TDRP: variants seen among roughly 807,000 people sequenced by gnomAD.
TDRP encodes testis development-related protein.
In TDRP, 12 loss-of-function variants were observed where a neutral mutation model predicts 10.5. That is an observed-to-expected ratio of 1.15 (90% CI 0.73 to 1.86). TDRP has a LOEUF of 1.86. Among genes scored for constraint, TDRP ranks in the 40% most tolerant of loss-of-function variants. The pLI, the probability that TDRP is intolerant of heterozygous loss-of-function variation, is 0.00. For synonymous variants in TDRP, 139 were observed against 95.4 expected (o/e 1.46, Z -2.67); for missense variants, 353 against 229.2 (o/e 1.54, Z -3.49).
chr8:542,258 G>A lies in TDRP; in HGVS notation c.108+2392C>T, dbSNP rs1390259541. ...TTGCCAGGGGTTCCGGGGAGGGAGG[G>A]TGCACAGAGGGTCTCTAAGGCAGCA... On this transcript the variant is annotated intron_variant, in intron 1 of 2. Transcript: ENST00000324079. Among the ~76,000 whole-genome samples the A allele has an allele frequency of 2.6e-5, 4 of 152,114 alleles. No homozygotes were observed. The East Asian group carries it at 7.7e-4, about 29-fold the overall frequency.
At position 492,155 on chromosome 8, in the gene TDRP, C is replaced by G. The variant is rs899469178; in HGVS notation, c.*244G>C. On this transcript the variant is annotated 3_prime_UTR_variant, in exon 3 of 3. Coordinates refer to ENST00000324079, the MANE Select transcript of TDRP (RefSeq NM_001384899.1). ...CATAAATTCACATCTCCAGTTTCTG[C>G]AAAACATGGACTGATAGGTGAATAT... 1 of 1,250,032 alleles carries G rather than the reference C, an allele frequency of 8.0e-7. No individual in the cohort carries two copies. The highest frequency in any genetic ancestry group is 1.0e-6 in the Non-Finnish European group (1 of 999,270). The allele number at this position is 1,250,032 out of a possible 1,614,324, so 77.4% of individuals were successfully genotyped here.
Position 533,302 on chromosome 8 carries a change from T to C in TDRP, c.108+11348A>G, listed in dbSNP as rs551340253. Among the ~76,000 whole-genome samples the C allele has an allele frequency of 5.3e-5, 8 of 152,296 alleles. No homozygotes were observed. The East Asian group carries it at 1.5e-3, about 29-fold the overall frequency. Reference sequence around the variant, plus strand: ...TAACATTTCAAAGCCAGCACGTCCATCGCAGCCTCATTGGGCTGCTCCCAC... The same window carrying C: ...TAACATTTCAAAGCCAGCACGTCCACCGCAGCCTCATTGGGCTGCTCCCAC... On this transcript the variant is annotated intron_variant, in intron 1 of 2. Coordinates refer to ENST00000324079, the MANE Select transcript of TDRP (RefSeq NM_001384899.1).
At position 544,703 on chromosome 8, in the gene TDRP, C is replaced by T; in HGVS notation, c.55G>A (p.Asp19Asn). 2 of 1,245,966 alleles carry T rather than the reference C, an allele frequency of 1.6e-6. No homozygotes were observed. The highest frequency in any genetic ancestry group is 2.0e-6 in the Non-Finnish European group (2 of 995,702). The allele number at this position is 1,245,966 out of a possible 1,614,324, so 77.2% of individuals were successfully genotyped here. A position where few individuals can be genotyped will look rare whatever the true frequency, so the allele number is the denominator to read the frequency against. ...VLLDEPPEEEDGLRGGPPPAA... is the reference protein window; with the variant it reads ...VLLDEPPEEENGLRGGPPPAA... Reference sequence around the variant, plus strand: ...GGTGGCGGCCCCCCACGCAGGCCGTCCTCCTCCTCGGGGGGCTCGTCCAGC... The same window carrying T: ...GGTGGCGGCCCCCCACGCAGGCCGTTCTCCTCCTCGGGGGGCTCGTCCAGC... Residue 19 changes from aspartate (D) to asparagine (N), a missense_variant, in exon 1 of 3, where the codon GAC (aspartate) becomes AAC (asparagine). Asp to Asn is a conservative substitution (Grantham distance 23). Transcript: ENST00000324079.
chr8:508,491 G>C (rs112951288), intron 1 of TDRP, among the ~76,000 whole-genome samples: 2 of 152,208 alleles, frequency 1.3e-5, no homozygotes, highest in Non-Finnish European at 2.9e-5. Flanking sequence ...ATTCAAGACA[G>C]AGAGCAAATG....
chr8:494,729 C>T (rs1801080803), intron 1 of TDRP, 132 bp from the exon 2 acceptor site: 1 of 733,628 alleles, frequency 1.4e-6, no homozygotes, highest in East Asian at 2.7e-5. Flanking sequence ...CTTTCCATAC[C>T]TGTGCGCACA....
rs150679865 is a variant in TDRP at position 522,930 on chromosome 8, T to C, written c.108+21720A>G. On this transcript the variant is annotated intron_variant, in intron 1 of 2. Transcript: ENST00000324079. The stretch of plus-strand genomic sequence containing the variant: ...TGTATCCTTATATCTAAAGTGAGTA[T>C]CTTGTAGGTGGCATGTGATTGGATC... Among the ~76,000 whole-genome samples, 4 of 152,210 alleles carry C rather than the reference T, an allele frequency of 2.6e-5. No homozygotes were observed. The East Asian group carries it at 7.7e-4, about 29-fold the overall frequency.
chr8:536,269 A>G (rs1348599487), intron 1 of TDRP, among the ~76,000 whole-genome samples: 1 of 152,226 alleles, frequency 6.6e-6, no homozygotes, highest in Non-Finnish European at 1.5e-5. Context: ...AAGCAAGTAG[A>G]AGAATCCACC....
At chr8:544,605 C>A in intron 1 of TDRP, 45 bp downstream of exon 1, 1 of 1,196,672 alleles carries the variant, frequency 8.4e-7, no homozygotes, top group Non-Finnish European at 1.0e-6. Context: ...CCTCCACCTG[C>A]GCGCCCCCGG....
At chr8:526,161 C>A (rs1247512910) in intron 1 of TDRP, among the ~76,000 whole-genome samples, 1 of 152,074 alleles carries the variant, frequency 6.6e-6, no homozygotes, top group Non-Finnish European at 1.5e-5. Context: ...CCATGCCCAG[C>A]TTATTTTTGT....
At chr8:510,035 C>T (rs1467965568) in intron 1 of TDRP, among the ~76,000 whole-genome samples, 1 of 152,136 alleles carries the variant, frequency 6.6e-6, no homozygotes, top group African/African-American at 2.4e-5. Flanking sequence ...GCGATGTGAC[C>T]TCCAGGAGGA....
rs150317071 is a variant in TDRP, at chr8:537,887, A to C, written c.108+6763T>G. ...ACCTACTTGGTTATATAAAAGAGTA[A>C]GACTTCTTTCATCTTCACAATCTGT... On this transcript the variant is annotated intron_variant, in intron 1 of 2. Coordinates refer to ENST00000324079, the MANE Select transcript of TDRP (RefSeq NM_001384899.1). Among the ~76,000 whole-genome samples, 7 of 152,340 alleles carry C rather than the reference A, an allele frequency of 4.6e-5. No individual in the cohort carries two copies. The East Asian group carries it at 1.4e-3, about 29-fold the overall frequency.
intron 1 of TDRP, among the ~76,000 whole-genome samples, chr8:519,106 C>T (rs1398325513): frequency 2.0e-5 from 3 of 152,088 alleles, no homozygotes; most frequent in Non-Finnish European, 4.4e-5. Context: ...ATCCAGTCAC[C>T]AATGGCCAAA....
intron 1 of TDRP, among the ~76,000 whole-genome samples, chr8:522,424 G>T (rs369610408): frequency 1.3e-5 from 2 of 152,180 alleles, no homozygotes; most frequent in African/African-American, 4.8e-5. Flanking sequence ...TGGCTAGTGA[G>T]ACTCATCTCT....
At chr8:501,022 C>T (rs541047328) in intron 1 of TDRP, among the ~76,000 whole-genome samples, 158 of 152,164 alleles carry the variant, frequency 1.0e-3, no homozygotes, top group African/African-American at 3.3e-3. Context: ...CTGGCTAACA[C>T]GGTGAAACCC....
rs1800983558 is a variant in TDRP, at chr8:491,768, T to C, written c.*631A>G. The C allele has an allele frequency of 7.2e-7, 1 of 1,387,720 alleles. No individual in the cohort carries two copies. The highest frequency in any genetic ancestry group is 1.5e-5 in the African/African-American group (1 of 68,038). The allele number at this position is 1,387,720 out of a possible 1,614,324, so 86.0% of individuals were successfully genotyped here. On this transcript the variant is annotated 3_prime_UTR_variant, in exon 3 of 3. Coordinates refer to ENST00000324079, the MANE Select transcript of TDRP (RefSeq NM_001384899.1). ...ATAAAATTCCAAAAAAGAACCACTG[T>C]TACTATCCAGTGGACATACAAGAAG...
chr8:525,743 C>A (rs561906722), intron 1 of TDRP, among the ~76,000 whole-genome samples: 1 of 151,690 alleles, frequency 6.6e-6, no homozygotes, highest in Non-Finnish European at 1.5e-5. Context: ...AAATCACCGA[C>A]GGGAAGGAAG....
chr8:521,077 C>T (rs1254523178), intron 1 of TDRP, among the ~76,000 whole-genome samples: 5 of 151,820 alleles, frequency 3.3e-5, no homozygotes, highest in African/African-American at 4.8e-5. Context: ...GGTCTTTAAT[C>T]TATTTTGAAT....
chr8:506,523 C>T (rs971901035), intron 1 of TDRP, among the ~76,000 whole-genome samples: 7 of 152,192 alleles, frequency 4.6e-5, no homozygotes, highest in African/African-American at 9.6e-5. Context: ...GCCCCACTCC[C>T]GGGAAGGAGG....
chr8:517,206 A>G (rs1370743922), intron 1 of TDRP, among the ~76,000 whole-genome samples: 1 of 152,170 alleles, frequency 6.6e-6, no homozygotes, highest in African/African-American at 2.4e-5. Flanking sequence ...ATTCCAACCT[A>G]ACTCTGGTAC....
Sources: allele counts gnomAD v4.1 joint callset (sites outside exome capture counted in the v4.1 genomes callset), GRCh38; gene constraint gnomAD v4.1.1; transcripts MANE v1.5; gene names NCBI Gene and HGNC (gene_info 2026-07-23, HGNC 2026-07-21).